ALPK1: variants seen among roughly 807,000 people sequenced by gnomAD.
ALPK1 encodes alpha-protein kinase 1.
Under a neutral mutation model 120.6 loss-of-function variants are expected in ALPK1, and 110 were observed. The observed-to-expected ratio is 0.91, with a 90% confidence interval of 0.78 to 1.07. The LOEUF (loss-of-function observed/expected upper bound fraction) is 1.07, where lower values mean the gene tolerates loss of function less well. ALPK1 is among the 50% of genes least tolerant of loss of function. The pLI is 0.00. For missense variants in ALPK1, 1,498 were observed against 1,483.9 expected, an observed-to-expected ratio of 1.01 and a Z score of -0.16; for synonymous variants, 582 against 560.3, an observed-to-expected ratio of 1.04 and a Z score of -0.55.
chr4:112,427,948 T>C lies in ALPK1; in HGVS notation c.795+283T>C, dbSNP rs537055391. ...ATGATTTTGAGCCTCACTTCTTTCC[T>C]TTCAAAGTATAACAAAATGCAGTTT... On this transcript the variant is annotated intron_variant, in intron 9 of 15. Coordinates refer to ENST00000650871, the MANE Select transcript of ALPK1 (RefSeq NM_025144.4). The C allele has an allele frequency of 2.1e-3, 532 of 252,874 alleles. 4 individuals carry two copies. Among genetic ancestry groups the C allele is most frequent in the Non-Finnish European group, 2.6e-3 (340 of 131,480 alleles). 15.7% of individuals were successfully genotyped at this position (252,874 alleles called of 1,614,324 possible).
rs751312365 is a variant in ALPK1, at chr4:112,425,759, CAT to C, written c.622+9_622+10del. The C allele has an allele frequency of 4.4e-6, 7 of 1,606,470 alleles. No homozygotes were observed. The highest frequency in any genetic ancestry group is 4.3e-6 in the Non-Finnish European group (5 of 1,174,698). On this transcript the variant is annotated intron_variant, in intron 7 of 15. Transcript: ENST00000650871. Reference sequence around the variant, plus strand: ...AGATTCTGCAAAAGCTGGGTACAATCATGTAAAACTTGCATTTCTCAAGGCTC... The same window carrying C: ...AGATTCTGCAAAAGCTGGGTACAATCGTAAAACTTGCATTTCTCAAGGCTC...
At chr4:112,390,334 T>C (rs1162285781) in intron 4 of ALPK1, among the ~76,000 whole-genome samples, 1 of 152,214 alleles carries the variant, frequency 6.6e-6, no homozygotes, top group African/African-American at 2.4e-5. Context: ...ACATCTCAGT[T>C]CTCAGGGAAG....
chr4:112,333,695 A>C (rs550155119), intron 2 of ALPK1, among the ~76,000 whole-genome samples: 43 of 152,270 alleles, frequency 2.8e-4, no homozygotes, highest in African/African-American at 1.0e-3. Context: ...TTCATTTAGC[A>C]CTTAAGAATC....
At chr4:112,377,566 G>C in intron 2 of ALPK1, 112 bp from the exon 3 acceptor site, 1 of 386,700 alleles carries the variant, frequency 2.6e-6, no homozygotes. Context: ...TAAAGTCCTC[G>C]GGGGCTGTCA....
chr4:112,376,216 T>C (rs775503741), intron 2 of ALPK1, among the ~76,000 whole-genome samples: 1 of 152,248 alleles, frequency 6.6e-6, no homozygotes, highest in Non-Finnish European at 1.5e-5. Flanking sequence ...AGACTTGCTC[T>C]TAGTGACTAA....
intron 2 of ALPK1, among the ~76,000 whole-genome samples, chr4:112,370,547 A>G (rs568568183): frequency 6.6e-6 from 1 of 152,328 alleles, no homozygotes; most frequent in South Asian, 2.1e-4. Context: ...GGAAAAACTG[A>G]TATGTGTTGA....
At chr4:112,435,033 TA>T in intron 11 of ALPK1, 114 bp from the exon 12 acceptor site, 2 of 1,019,874 alleles carry the variant, frequency 2.0e-6, no homozygotes, top group Non-Finnish European at 2.9e-6. Flanking sequence ...GAAAAGTGTA[TA>T]AAAAAGTGAA....
chr4:112,435,145 C>G lies in ALPK1; in HGVS notation c.3035-3C>G, dbSNP rs750384326. ...GATTCATTTTCATCTTTTTTTTTCC[C>G]AGGTGCTCTTTTGTTAAAATATTCA... On this transcript the variant is annotated splice_polypyrimidine_tract_variant and splice_region_variant and intron_variant, in intron 11 of 15. Coordinates refer to ENST00000650871, the MANE Select transcript of ALPK1 (RefSeq NM_025144.4). 2 of 1,589,782 alleles carry G rather than the reference C, an allele frequency of 1.3e-6. No individual in the cohort carries two copies. Among genetic ancestry groups the G allele is most frequent in the Non-Finnish European group, 1.7e-6 (2 of 1,173,264 alleles).
At position 112,426,485 on chromosome 4, in the gene ALPK1, C is replaced by T; in HGVS notation, c.641C>T (p.Ala214Val). The T allele has an allele frequency of 6.2e-7, 1 of 1,606,530 alleles. No individual in the cohort carries two copies. Among genetic ancestry groups the T allele is most frequent in the South Asian group, 1.1e-5 (1 of 89,750 alleles). ...TTTTCAGGGATGTGGTACGAAGCAG[C>T]AGAGTTAATATGGGCCTCCATTGTA... ...LQKLGMWYEA[A>V]ELIWASIVGY... The change falls in exon 8 of 16, where the codon GCA becomes GTA. Residue 214 changes from alanine to valine, a missense_variant. Coordinates refer to ENST00000650871, the MANE Select transcript of ALPK1 (RefSeq NM_025144.4).
intron 2 of ALPK1, chr4:112,356,072 T>C: frequency 1.0e-6 from 1 of 957,638 alleles, no homozygotes. Context: ...AGTGTTTTTT[T>C]CTCACAGACC....
intron 2 of ALPK1, chr4:112,356,065 G>GT (rs145774632): frequency 4.5e-6 from 4 of 892,994 alleles, no homozygotes; most frequent in East Asian, 2.4e-5. Flanking sequence ...TGTTTGGAGT[G>GT]TTTTTTTCTC....
At chr4:112,397,698 A>G (rs1482139066) in intron 4 of ALPK1, among the ~76,000 whole-genome samples, 1 of 152,110 alleles carries the variant, frequency 6.6e-6, no homozygotes, top group Non-Finnish European at 1.5e-5. Flanking sequence ...AATGTACATA[A>G]TTTATATCTG....
intron 12 of ALPK1, among the ~76,000 whole-genome samples, chr4:112,436,281 C>G (rs1455054081): frequency 7.4e-6 from 1 of 135,852 alleles, no homozygotes; most frequent in Non-Finnish European, 1.6e-5. Context: ...TCACAAAACC[C>G]TCTGAGGGTA....
At chr4:112,384,876 G>C (rs1732084107) in intron 4 of ALPK1, 1 of 152,276 alleles carries the variant, frequency 6.6e-6, no homozygotes, top group Admixed American at 6.5e-5. Flanking sequence ...GGGAACTGTT[G>C]CTTAGACTGG....
At chr4:112,413,670 C>T (rs948295843) in intron 5 of ALPK1, among the ~76,000 whole-genome samples, 17 of 152,216 alleles carry the variant, frequency 1.1e-4, no homozygotes, top group Non-Finnish European at 1.8e-4. Flanking sequence ...CCACCCACCT[C>T]GGCCTCCCAG....
At chr4:112,402,092 C>G (rs975457050) in intron 4 of ALPK1, among the ~76,000 whole-genome samples, 3 of 152,214 alleles carry the variant, frequency 2.0e-5, no homozygotes, top group Non-Finnish European at 4.4e-5. Flanking sequence ...ACTATGCAGG[C>G]GTCAATCACT....
intron 13 of ALPK1, 72 bp downstream of exon 13, chr4:112,438,718 G>T (rs947709066): frequency 6.6e-6 from 10 of 1,525,676 alleles, no homozygotes; most frequent in Non-Finnish European, 9.0e-6. Flanking sequence ...TGAGTATCTG[G>T]TTCCACATAA....
intron 2 of ALPK1, among the ~76,000 whole-genome samples, chr4:112,321,746 A>G (rs532239836): frequency 2.6e-5 from 4 of 152,356 alleles, no homozygotes; most frequent in African/African-American, 4.8e-5. Context: ...AAAAAGATTA[A>G]TGGATCTTTA....
rs569027238 is a variant in ALPK1, at chr4:112,364,468, T to C, written c.-100-13210T>C. Among the ~76,000 whole-genome samples, 4 of 152,068 alleles carry C rather than the reference T, an allele frequency of 2.6e-5. No individual in the cohort carries two copies. In the East Asian group the frequency reaches 5.8e-4, roughly 22 times the overall value. ...CATAAACTAGAAAACCTAGAGGAGA[T>C]GGATAATTTCCTAGAAATATACAAC... is the stretch of plus-strand genomic sequence containing the variant. On this transcript the variant is annotated intron_variant, in intron 2 of 15. Coordinates refer to ENST00000650871, the MANE Select transcript of ALPK1 (RefSeq NM_025144.4).
Sources: gnomAD v4.1 joint callset for allele counts (sites outside exome capture counted in the v4.1 genomes callset) on GRCh38, gnomAD v4.1.1 for gene constraint, MANE v1.5 for transcripts, NCBI Gene and HGNC (gene_info 2026-07-23, HGNC 2026-07-21) for gene names.